The following C12orf42 variants were observed in gnomAD, a reference collection of about 807,000 sequenced individuals.
C12orf42 encodes the protein uncharacterized protein C12orf42.
C12orf42 carries 25 observed loss-of-function variants against 21.6 expected under a neutral mutation model. That is an observed-to-expected ratio of 1.16 (90% CI 0.84 to 1.62). C12orf42 has a LOEUF of 1.62. Ranked by LOEUF, C12orf42 falls within the 40% of genes most tolerant of loss-of-function variation. The pLI is 0.00. For synonymous variants in C12orf42, 174 were observed against 175.0 expected, an observed-to-expected ratio of 0.99 and a Z score of 0.05; for missense variants, 483 against 459.3, an observed-to-expected ratio of 1.05 and a Z score of -0.47.
At position 103,294,466 on chromosome 12, in the gene C12orf42, GA is replaced by G. The variant is rs1484870427; in HGVS notation, n.338-17257del. 1.6e-4 allele frequency among the ~76,000 whole-genome samples: 18 copies of G among 111,920 alleles called. 1 individual carries two copies. In the South Asian group the frequency reaches 3.2e-3, roughly 20 times the overall value. The allele number at this position is 111,920 out of a possible 152,430, so 73.4% of individuals were successfully genotyped here. ...AGAAAGAAAGAAAGAAAGAAAGAAA[GA>G]AAGAAATAAGCAAGCAAGCAAGAAA... On this transcript the variant is annotated intron_variant and non_coding_transcript_variant, in intron 4 of 6. Transcript: ENST00000546526.
the C12orf42 span, among the ~76,000 whole-genome samples, chr12:103,563,321 C>G: frequency 6.6e-6 from 1 of 152,120 alleles, no homozygotes; most frequent in East Asian, 1.9e-4. Flanking sequence ...TATGCTACAG[C>G]CAATTGATCA....
At chr12:103,214,990 G>A in the C12orf42 span, among the ~76,000 whole-genome samples, 13 of 152,050 alleles carry the variant, frequency 8.5e-5, no homozygotes, top group African/African-American at 2.9e-4. Context: ...CATTCCTCTC[G>A]AGCAAGAATA....
intron 2 of C12orf42, among the ~76,000 whole-genome samples, chr12:103,463,772 T>G (rs943305478): frequency 6.6e-6 from 1 of 152,202 alleles, no homozygotes; most frequent in Admixed American, 6.5e-5. Context: ...CACCTTCCTG[T>G]GTCAATGTGT....
chr12:103,361,353 G>T (rs563279437), intron 4 of C12orf42, among the ~76,000 whole-genome samples: 1 of 152,144 alleles, frequency 6.6e-6, no homozygotes, highest in Non-Finnish European at 1.5e-5. Context: ...AGGGGTAGAG[G>T]AAGCAGCAGG....
chr12:103,512,421 T>C, the C12orf42 span, among the ~76,000 whole-genome samples: 1 of 148,104 alleles, frequency 6.8e-6, no homozygotes, highest in Non-Finnish European at 1.5e-5. Context: ...TGACTATTGT[T>C]AGTTACAATG....
At chr12:103,351,815 A>G (rs925833770) in intron 4 of C12orf42, among the ~76,000 whole-genome samples, 1 of 152,168 alleles carries the variant, frequency 6.6e-6, no homozygotes, top group African/African-American at 2.4e-5. Flanking sequence ...ATTAATTTAA[A>G]TCTTAATTTC....
the C12orf42 span, among the ~76,000 whole-genome samples, chr12:103,050,230 G>C: frequency 6.6e-6 from 1 of 151,692 alleles, no homozygotes; most frequent in Non-Finnish European, 1.5e-5. Flanking sequence ...GTGTGTGTGT[G>C]TGTGTGTGTG....
In C12orf42 at chr12:103,495,900, A is replaced by G. The variant is rs967694751; in HGVS notation, c.-22+2T>C. On this transcript the variant is annotated splice_donor_variant, in intron 1 of 5. Coordinates refer to ENST00000548883, the MANE Select transcript of C12orf42 (RefSeq NM_198521.5). LOFTEE classifies it low-confidence loss of function (5UTR_SPLICE). ...GGCGAGTCCCGCGCTCCCTGCGTCTACCTGGAGCTGCAGGGTCCCTATCCC... is the reference window on the plus strand; with the variant it reads ...GGCGAGTCCCGCGCTCCCTGCGTCTGCCTGGAGCTGCAGGGTCCCTATCCC... The G allele has an allele frequency of 6.6e-6, 1 of 152,228 alleles. No individual in the cohort carries two copies. Among genetic ancestry groups the G allele is most frequent in the African/African-American group, 2.4e-5 (1 of 41,394 alleles). The allele number at this position is 152,228 out of a possible 1,614,324, so 9.4% of individuals were successfully genotyped here. A position where few individuals can be genotyped will look rare whatever the true frequency, so the allele number is the denominator to read the frequency against.
At chr12:103,420,822 A>G (rs1190185925) in intron 2 of C12orf42, among the ~76,000 whole-genome samples, 2 of 152,136 alleles carry the variant, frequency 1.3e-5, no homozygotes, top group African/African-American at 4.8e-5. Flanking sequence ...CCCAGCCTGC[A>G]TGTTTCTTTT....
At chr12:103,422,833 T>TAAA (rs75586729) in intron 2 of C12orf42, among the ~76,000 whole-genome samples, 2 of 134,654 alleles carry the variant, frequency 1.5e-5, no homozygotes, top group Admixed American at 1.5e-4. Context: ...CTGGGAACAT[T>TAAA]AAAAAAAAAA....
chr12:103,128,977 G>A, the C12orf42 span, among the ~76,000 whole-genome samples: 53 of 152,280 alleles, frequency 3.5e-4, no homozygotes, highest in South Asian at 0.01. Flanking sequence ...ATGATACAGA[G>A]AGGGTGGGGG....
chr12:103,498,831 T>C (rs184181221), upstream of C12orf42, among the ~76,000 whole-genome samples: 2 of 116,058 alleles, frequency 1.7e-5, no homozygotes, highest in Admixed American at 2.6e-4. Flanking sequence ...TGAGAATACA[T>C]GGACACAGGG....
chr12:103,145,192 A>G, the C12orf42 span, among the ~76,000 whole-genome samples: 1 of 152,208 alleles, frequency 6.6e-6, no homozygotes, highest in Non-Finnish European at 1.5e-5. Flanking sequence ...CGAACTGTTT[A>G]GATTTTAACT....
At chr12:103,208,207 C>T in the C12orf42 span, among the ~76,000 whole-genome samples, 2 of 152,254 alleles carry the variant, frequency 1.3e-5, no homozygotes, top group African/African-American at 2.4e-5. Context: ...ACAAAAGGTG[C>T]GCTGGGGTGA....
the C12orf42 span, among the ~76,000 whole-genome samples, chr12:103,075,993 G>A: frequency 9.2e-5 from 14 of 152,144 alleles, no homozygotes; most frequent in African/African-American, 3.4e-4. Flanking sequence ...TGGATATGTG[G>A]AGTTTGAAAT....
chr12:103,125,034 T>A, the C12orf42 span, among the ~76,000 whole-genome samples: 1 of 152,150 alleles, frequency 6.6e-6, no homozygotes, highest in Non-Finnish European at 1.5e-5. Flanking sequence ...GTTGGTAAAA[T>A]GGGTTTTCAT....
chr12:103,050,339 T>C, the C12orf42 span, among the ~76,000 whole-genome samples: 2 of 152,098 alleles, frequency 1.3e-5, no homozygotes, highest in Non-Finnish European at 2.9e-5. Flanking sequence ...TTACTGCATT[T>C]ACCATAGTGC....
chr12:103,496,810 C>CG (rs1555217713), upstream of C12orf42, among the ~76,000 whole-genome samples: 3 of 80,030 alleles, frequency 3.7e-5, no homozygotes, highest in South Asian at 4.0e-4. Context: ...TATTTCTAGC[C>CG]GGGAAAAAAA....
the C12orf42 span, among the ~76,000 whole-genome samples, chr12:103,153,733 C>A: frequency 6.6e-6 from 1 of 152,028 alleles, no homozygotes; most frequent in African/African-American, 2.4e-5. Flanking sequence ...GCAACCATCT[C>A]GCAAACTGTT....
Sources: allele counts gnomAD v4.1 joint callset (sites outside exome capture counted in the v4.1 genomes callset), GRCh38; gene constraint gnomAD v4.1.1; transcripts MANE v1.5; gene names NCBI Gene and HGNC (gene_info 2026-07-23, HGNC 2026-07-21).